ALDH18A1: variants seen among roughly 807,000 people sequenced by gnomAD.
ALDH18A1 encodes the protein aldehyde dehydrogenase 18 family member A1.
ALDH18A1 carries 44 observed loss-of-function variants against 88.8 expected under a neutral mutation model. The observed-to-expected ratio is 0.50, with a 90% confidence interval of 0.39 to 0.64. ALDH18A1 has a LOEUF of 0.64. ALDH18A1 is among the 30% of genes least tolerant of loss of function. ALDH18A1 has a pLI of 0.00. For missense variants in ALDH18A1, 782 were observed against 1,009.5 expected, an observed-to-expected ratio of 0.77 and a Z score of 3.05; for synonymous variants, 331 against 372.1, an observed-to-expected ratio of 0.89 and a Z score of 1.27.
intron 3 of ALDH18A1, among the ~76,000 whole-genome samples, chr10:95,638,540 G>A (rs940175048): frequency 2.0e-5 from 3 of 152,132 alleles, no homozygotes; most frequent in African/African-American, 4.8e-5. Flanking sequence ...ATAAAAGTCC[G>A]CAGGTAGGAA....
rs573346941 is a variant in ALDH18A1, at chr10:95,628,480, C to T, written c.821G>A (p.Ser274Asn). 1 of 1,613,518 alleles carries T rather than the reference C, an allele frequency of 6.2e-7. No individual in the cohort carries two copies. Among genetic ancestry groups the T allele is most frequent in the African/African-American group, 1.3e-5 (1 of 75,024 alleles). The change falls in exon 8 of 18, where the codon AGC (serine) becomes AAC (asparagine). Residue 274 changes from serine to asparagine, a missense_variant. Ser to Asn is a conservative substitution (Grantham distance 46, BLOSUM62 1). This residue lies in a region of ALDH18A1 where 132 missense variants were observed against 255.5 expected (regional missense o/e 0.52). Coordinates refer to ENST00000371224, the MANE Select transcript of ALDH18A1 (RefSeq NM_002860.4). ...CTTTGCATCATCTGAACCTGGGGGG[C>T]TGTCAAAAAGGCCTAAAAAATAGAC... The part of the protein sequence containing the change: ...VLSDVEGLFD[S>N]PPGSDDAKLI...
chr10:95,608,887 T>C (rs1297863860), intron 17 of ALDH18A1, among the ~76,000 whole-genome samples: 2 of 152,192 alleles, frequency 1.3e-5, no homozygotes, highest in Admixed American at 1.3e-4. Flanking sequence ...GTCTGTTTTG[T>C]TTTTTGAGAT....
At chr10:95,652,929 G>A (rs2097912669) in intron 2 of ALDH18A1, among the ~76,000 whole-genome samples, 2 of 152,018 alleles carry the variant, frequency 1.3e-5, no homozygotes, top group South Asian at 4.2e-4. Context: ...GCTCACGCCT[G>A]TAATCCCAGC....
chr10:95,609,103 G>A (rs1434884775), intron 17 of ALDH18A1, among the ~76,000 whole-genome samples: 4 of 152,038 alleles, frequency 2.6e-5, no homozygotes, highest in Non-Finnish European at 5.9e-5. Context: ...TCCAACTCCC[G>A]GCCTCAGGTG....
intron 2 of ALDH18A1, among the ~76,000 whole-genome samples, chr10:95,650,711 A>G (rs2097909185): frequency 6.6e-6 from 1 of 152,196 alleles, no homozygotes; most frequent in Non-Finnish European, 1.5e-5. Flanking sequence ...CATGACAAAT[A>G]AACCTCTTTT....
chr10:95,631,779 G>A (rs1353105746), intron 7 of ALDH18A1, among the ~76,000 whole-genome samples: 1 of 143,092 alleles, frequency 7.0e-6, no homozygotes, highest in East Asian at 2.0e-4. Context: ...CTGAATAACA[G>A]CAATGATGTA....
At chr10:95,633,342 C>T (rs2097874281) in intron 6 of ALDH18A1, 149 bp downstream of exon 6, 18 of 1,012,264 alleles carry the variant, frequency 1.8e-5, no homozygotes, top group Middle Eastern at 3.0e-4. Flanking sequence ...ACCACGAGTT[C>T]AGAAGAGCTT....
chr10:95,640,567 C>T (rs957203998), intron 3 of ALDH18A1, among the ~76,000 whole-genome samples: 2 of 152,158 alleles, frequency 1.3e-5, no homozygotes, highest in Non-Finnish European at 1.5e-5. Flanking sequence ...GTCTTGAACT[C>T]CTGACCTCAG....
intron 14 of ALDH18A1, 23 bp from the exon 15 acceptor site, chr10:95,613,886 T>C: frequency 1.4e-5 from 23 of 1,614,202 alleles, no homozygotes; most frequent in Non-Finnish European, 1.9e-5. Context: ...GAGCAAAGAA[T>C]TGTTTCCATT....
intron 17 of ALDH18A1, among the ~76,000 whole-genome samples, chr10:95,608,786 C>T (rs2097827575): frequency 6.6e-6 from 1 of 152,256 alleles, no homozygotes; most frequent in Admixed American, 6.5e-5. Flanking sequence ...CAGGTGTGAG[C>T]CACTGCCCGT....
Position 95,606,643 on chromosome 10 carries a change from A to C in ALDH18A1, c.*119T>G. On this transcript the variant is annotated 3_prime_UTR_variant, in exon 18 of 18. Coordinates refer to ENST00000371224, the MANE Select transcript of ALDH18A1 (RefSeq NM_002860.4). ...AAACGGAGCCCAGAAGCATCCAGGT[A>C]CACTTTCCAACAGGCAGACCCTACC... 1 of 1,606,966 alleles carries C rather than the reference A, an allele frequency of 6.2e-7. No homozygotes were observed. Among genetic ancestry groups the C allele is most frequent in the Non-Finnish European group, 8.5e-7 (1 of 1,178,736 alleles).
rs751524073 is a variant in ALDH18A1, at chr10:95,628,467, T to C, written c.834A>G (p.Ser278=). 6.2e-7 allele frequency: 1 copy of C among 1,613,950 alleles called. No individual in the cohort carries two copies. The highest frequency in any genetic ancestry group is 1.1e-5 in the South Asian group (1 of 91,084). ...VEGLFDSPPG[S]DDAKLIDIFY... ...ATATATCAATAAGCTTTGCATCATC[T>C]GAACCTGGGGGGCTGTCAAAAAGGC... The change falls in exon 8 of 18, where the codon TCA becomes TCG. Residue 278 remains serine, a synonymous_variant. Coordinates refer to ENST00000371224, the MANE Select transcript of ALDH18A1 (RefSeq NM_002860.4).
intron 9 of ALDH18A1, 59 bp downstream of exon 9, chr10:95,627,383 T>C: frequency 6.2e-7 from 1 of 1,601,918 alleles, no homozygotes; most frequent in South Asian, 1.1e-5. Flanking sequence ...GATCTCTAAC[T>C]AAGCCAGGTG....
rs747291828 is a variant in ALDH18A1 at position 95,628,454 on chromosome 10, G to A, written c.847C>T (p.Leu283Phe). The A allele has an allele frequency of 6.3e-5, 101 of 1,613,854 alleles. No individual in the cohort carries two copies. The highest frequency in any genetic ancestry group is 8.1e-5 in the Non-Finnish European group (96 of 1,179,954). Residue 283 changes from leucine to phenylalanine, a missense_variant, in exon 8 of 18, where the codon CTT becomes TTT. By Grantham distance (22) the Leu-to-Phe change is conservative (BLOSUM62 0). Coordinates refer to ENST00000371224, the MANE Select transcript of ALDH18A1 (RefSeq NM_002860.4). ...DSPPGSDDAK[L>F]IDIFYPGDQQ... is the part of the protein sequence containing the mutation. ...TCTCCGGGATAAAATATATCAATAAGCTTTGCATCATCTGAACCTGGGGGG... is the reference window on the plus strand; with the variant it reads ...TCTCCGGGATAAAATATATCAATAAACTTTGCATCATCTGAACCTGGGGGG...
At chr10:95,649,909 A>C (rs1207531114) in intron 2 of ALDH18A1, among the ~76,000 whole-genome samples, 2 of 151,696 alleles carry the variant, frequency 1.3e-5, no homozygotes, top group African/African-American at 4.8e-5. Context: ...ACAAAGAAAA[A>C]AATTAGCCAG....
At chr10:95,617,539 G>A (rs1416399660) in intron 12 of ALDH18A1, among the ~76,000 whole-genome samples, 1 of 152,222 alleles carries the variant, frequency 6.6e-6, no homozygotes, top group African/African-American at 2.4e-5. Context: ...GCCTGTCTGG[G>A]GAGGAAAACG....
Position 95,606,782 on chromosome 10 carries a change from G to C in ALDH18A1, c.2368C>G (p.Pro790Ala), listed in dbSNP as rs1459575159. ...TCTTTTCAGTTGGTGTTTCTCTGAGGAATAGGGAGGTTCTCATGAAGATAT... is the reference window on the plus strand; with the variant it reads ...TCTTTTCAGTTGGTGTTTCTCTGAGCAATAGGGAGGTTCTCATGAAGATAT... ...LKYLHENLPI[P>A]QRNTN Residue 790 changes from proline (P) to alanine (A), a missense_variant, in exon 18 of 18, where the codon CCT becomes GCT. Physicochemically the swap from Pro to Ala is conservative, Grantham distance 27. Around this residue, in one of 3 missense-constraint regions of ALDH18A1, gnomAD observed 556 missense variants for 654.5 expected, o/e 0.85. Transcript: ENST00000371224. 3.7e-6 allele frequency: 6 copies of C among 1,614,018 alleles called. No homozygotes were observed. The highest frequency in any genetic ancestry group is 1.6e-4 in the Middle Eastern group (1 of 6,082).
In ALDH18A1 at chr10:95,633,147, G is replaced by A; in HGVS notation, c.718-98C>T. On this transcript the variant is annotated intron_variant, in intron 6 of 17. Coordinates refer to ENST00000371224, the MANE Select transcript of ALDH18A1 (RefSeq NM_002860.4). Reference sequence around the variant, plus strand: ...CCAAGCTCAGGCAAAACCAAGCTAGGATCAGGCAAAACCAATGAACCCAAA... The same window carrying A: ...CCAAGCTCAGGCAAAACCAAGCTAGAATCAGGCAAAACCAATGAACCCAAA... 4 of 1,156,578 alleles carry A rather than the reference G, an allele frequency of 3.5e-6. No homozygotes were observed. In the South Asian group the frequency reaches 5.1e-5, roughly 15 times the overall value. The allele number at this position is 1,156,578 out of a possible 1,614,324, so 71.6% of individuals were successfully genotyped here.
chr10:95,637,236 A>C, intron 4 of ALDH18A1, 39 bp from the exon 5 acceptor site: 5 of 1,614,224 alleles, frequency 3.1e-6, no homozygotes, highest in Non-Finnish European at 4.2e-6. Context: ...GTAGGGAATG[A>C]GGGAAGAAGA....
Sources: allele counts gnomAD v4.1 joint callset (sites outside exome capture counted in the v4.1 genomes callset), GRCh38; gene constraint gnomAD v4.1.1; regional missense constraint gnomAD v4.1.1; transcripts MANE v1.5; gene names NCBI Gene and HGNC (gene_info 2026-07-23, HGNC 2026-07-21).